LRIT1: variants seen among roughly 807,000 people sequenced by gnomAD.
LRIT1 encodes the protein leucine-rich repeat, immunoglobulin-like domain and transmembrane domain-containing protein 1.
A neutral mutation model predicts 24.0 loss-of-function variants in LRIT1; 23 were observed. The observed-to-expected ratio is 0.96, with a 90% CI of 0.69 to 1.36. The LOEUF is 1.36. Ranked by LOEUF, LRIT1 falls within the 40% of genes most tolerant of loss-of-function variation. The probability of loss-of-function intolerance (pLI) is 0.00; values close to 1 mark genes in which losing one functional copy is unlikely to be tolerated. For missense variants in LRIT1, 846 were observed against 806.3 expected (o/e 1.05, Z -0.60); for synonymous variants, 361 against 340.5 (o/e 1.06, Z -0.66).
At chr10:84,239,827 C>A (rs759121608) in intron 1 of LRIT1, among the ~76,000 whole-genome samples, 1 of 152,222 alleles carries the variant, frequency 6.6e-6, no homozygotes, top group Non-Finnish European at 1.5e-5. Context: ...GCAGAACGAG[C>A]TTTGGTCTAA....
At position 84,237,486 on chromosome 10, in the gene LRIT1, C is replaced by T; in HGVS notation, c.323G>A (p.Arg108His). Residue 108 changes from arginine to histidine, a missense_variant, in exon 2 of 4, where the codon CGC becomes CAC. Coordinates refer to ENST00000372105, the MANE Select transcript of LRIT1 (RefSeq NM_015613.3). The part of the protein sequence containing the change: ...LNALMLRGLR[R>H]LRELRLPGNR... ...CCCGGGCAGCCGCAGCTCCCGCAGG[C>T]GTCGCAGGCCCCGCAGCATGAGGGC... 1 of 1,590,370 alleles carries T rather than the reference C, an allele frequency of 6.3e-7. No individual in the cohort carries two copies.
rs150239517 is a variant in LRIT1, at chr10:84,234,102, C to T, written c.866G>A (p.Arg289Lys). 1.4e-5 allele frequency: 22 copies of T among 1,572,994 alleles called. No homozygotes were observed. In the African/African-American group the frequency reaches 2.8e-4, roughly 20 times the overall value. The stretch of plus-strand genomic sequence containing the variant: ...ACCATTAAGGGGCCTGCCATTGGCC[C>T]TCCTCCAGCTCATCTCGGGCCCAGG... The part of the protein sequence containing the change: ...GVPGPEMSWR[R>K]ANGRPLNGTV... Residue 289 changes from arginine to lysine, a missense_variant, in exon 3 of 4, where the codon AGG becomes AAG. By Grantham distance (26) the Arg-to-Lys change is conservative. Coordinates refer to ENST00000372105, the MANE Select transcript of LRIT1 (RefSeq NM_015613.3).
At chr10:84,237,107 C>T in intron 2 of LRIT1, 113 bp downstream of exon 2, 2 of 869,262 alleles carry the variant, frequency 2.3e-6, no homozygotes, top group Non-Finnish European at 3.6e-6. Flanking sequence ...GTGGATCTCA[C>T]TGTCTTTGCT....
chr10:84,241,475 G>A lies in LRIT1; in HGVS notation c.-36C>T. On this transcript the variant is annotated 5_prime_UTR_variant, in exon 1 of 4. Transcript: ENST00000372105. ...TCCTCTCTGGCCCAGGCAGGGGCCT[G>A]TCCCTGGACCGCTCCGTCCCACCGG... is the stretch of plus-strand genomic sequence containing the variant. 4 of 1,480,362 alleles carry A rather than the reference G, an allele frequency of 2.7e-6. No individual in the cohort carries two copies. Among genetic ancestry groups the A allele is most frequent in the Non-Finnish European group, 3.6e-6 (4 of 1,120,766 alleles). 91.7% of individuals were successfully genotyped at this position (1,480,362 alleles called of 1,614,324 possible).
In LRIT1 at chr10:84,233,945, A is replaced by G. The variant is rs947046051; in HGVS notation, c.895+128T>C. On this transcript the variant is annotated intron_variant, in intron 3 of 3. Coordinates refer to ENST00000372105, the MANE Select transcript of LRIT1 (RefSeq NM_015613.3). ...CTCTGGGAAGCCCCTGTCAAACTCA[A>G]CTCAGACAGGTGGAAGCCCAGCTTT... 5 of 809,202 alleles carry G rather than the reference A, an allele frequency of 6.2e-6. No individual in the cohort carries two copies. In the Admixed American group the frequency reaches 1.4e-4, roughly 23 times the overall value. The allele number at this position is 809,202 out of a possible 1,614,324, so 50.1% of individuals were successfully genotyped here.
intron 2 of LRIT1, among the ~76,000 whole-genome samples, chr10:84,236,789 G>A (rs1842650668): frequency 6.6e-6 from 1 of 152,208 alleles, no homozygotes; most frequent in Admixed American, 6.5e-5. Flanking sequence ...TCATGTATGA[G>A]TTGTATAATT....
At chr10:84,237,807 T>A in intron 1 of LRIT1, 121 bp from the exon 2 acceptor site, 1 of 745,112 alleles carries the variant, frequency 1.3e-6, no homozygotes, top group Non-Finnish European at 2.1e-6. Context: ...CACACCAGAG[T>A]CCAAGCCATG....
Position 84,232,906 on chromosome 10 carries a change from A to T in LRIT1, c.896-3T>A. ...GTCACTGGAGACTTCCTGGTGCACT[A>T]GGAGGAAAACAGGCATGTGTGGGAG... On this transcript the variant is annotated splice_region_variant and splice_polypyrimidine_tract_variant and intron_variant, in intron 3 of 3. Transcript: ENST00000372105. 1 of 1,608,148 alleles carries T rather than the reference A, an allele frequency of 6.2e-7. No homozygotes were observed. The highest frequency in any genetic ancestry group is 8.5e-7 in the Non-Finnish European group (1 of 1,179,138).
intron 1 of LRIT1, among the ~76,000 whole-genome samples, chr10:84,239,790 G>A (rs1202649742): frequency 6.6e-6 from 1 of 152,214 alleles, no homozygotes; most frequent in East Asian, 1.9e-4. Flanking sequence ...CCAGGTTAGA[G>A]AGGGATCTGA....
chr10:84,231,721 A>G lies in LRIT1; in HGVS notation c.*206T>C, dbSNP rs1438410695. On this transcript the variant is annotated 3_prime_UTR_variant, in exon 4 of 4. Coordinates refer to ENST00000372105, the MANE Select transcript of LRIT1 (RefSeq NM_015613.3). ...CTGCAAATGATTGTTACAAGAATTT[A>G]GCACTTAGAACACTTTCTAGTCTGT... 9.5e-5 allele frequency: 55 copies of G among 577,200 alleles called. No homozygotes were observed. The highest frequency in any genetic ancestry group is 2.6e-4 in the East Asian group (9 of 35,022). 35.8% of individuals were successfully genotyped at this position (577,200 alleles called of 1,614,324 possible).
chr10:84,239,417 C>G (rs11817806), intron 1 of LRIT1, among the ~76,000 whole-genome samples: 1,966 of 152,242 alleles, frequency 0.013, 50 homozygotes, highest in African/African-American at 0.046. Context: ...TGCACTCCAG[C>G]CTGGGTGACA....
At position 84,237,411 on chromosome 10, in the gene LRIT1, A is replaced by T; in HGVS notation, c.398T>A (p.Leu133Gln). 1.3e-6 allele frequency: 2 copies of T among 1,546,964 alleles called. No individual in the cohort carries two copies. Among genetic ancestry groups the T allele is most frequent in the Non-Finnish European group, 1.7e-6 (2 of 1,146,926 alleles). ...GTTGGCCTGCAGGTCCAGCAGCCGCAGCTTGGGGGCGTCCCTGAGCGCCGC... is the reference window on the plus strand; with the variant it reads ...GTTGGCCTGCAGGTCCAGCAGCCGCTGCTTGGGGGCGTCCCTGAGCGCCGC... ...PWAALRDAPK[L>Q]RLLDLQANRL... Residue 133 changes from leucine (L) to glutamine (Q), a missense_variant, in exon 2 of 4, where the codon CTG (leucine) becomes CAG (glutamine). Leu to Gln is a moderately radical substitution (Grantham distance 113). Coordinates refer to ENST00000372105, the MANE Select transcript of LRIT1 (RefSeq NM_015613.3).
At position 84,237,177 on chromosome 10, in the gene LRIT1, G is replaced by T. The variant is rs762120735; in HGVS notation, c.589+43C>A. ...AAATAATCGAAACTCAGGGAAGCGT[G>T]GTAACTTGCCTAAGACCCCAGGTGA... is the stretch of plus-strand genomic sequence containing the variant. On this transcript the variant is annotated intron_variant, in intron 2 of 3. Coordinates refer to ENST00000372105, the MANE Select transcript of LRIT1 (RefSeq NM_015613.3). 14 of 1,382,554 alleles carry T rather than the reference G, an allele frequency of 1.0e-5. No individual in the cohort carries two copies. The South Asian group carries it at 1.8e-4, about 18-fold the overall frequency. The allele number at this position is 1,382,554 out of a possible 1,614,324, so 85.6% of individuals were successfully genotyped here.
intron 2 of LRIT1, among the ~76,000 whole-genome samples, chr10:84,235,048 T>A (rs549304694): frequency 1.2e-3 from 189 of 152,360 alleles, no homozygotes; most frequent in Non-Finnish European, 1.9e-3. Context: ...GGGTACTATG[T>A]GTCCTCAATT....
In LRIT1 at chr10:84,231,872, A is replaced by T; in HGVS notation, c.*55T>A. The T allele has an allele frequency of 1.9e-6, 3 of 1,545,682 alleles. No homozygotes were observed. The highest frequency in any genetic ancestry group is 3.6e-5 in the Admixed American group (2 of 55,864). ...GTGGGTGATCGTGTACTCAGGTGTC[A>T]GAGCTAAAGAAGGAGCGTGGGCAGG... is the stretch of plus-strand genomic sequence containing the variant. On this transcript the variant is annotated 3_prime_UTR_variant, in exon 4 of 4. Coordinates refer to ENST00000372105, the MANE Select transcript of LRIT1 (RefSeq NM_015613.3).
intron 2 of LRIT1, 46 bp from the exon 3 acceptor site, chr10:84,234,424 C>T (rs372057776): frequency 1.0e-5 from 15 of 1,432,160 alleles, no homozygotes; most frequent in African/African-American, 8.6e-5. Flanking sequence ...AGATACTCAA[C>T]GTCCTCAGGC....
chr10:84,232,234 T>C lies in LRIT1; in HGVS notation c.1565A>G (p.Glu522Gly), dbSNP rs1338113545. 6.2e-7 allele frequency: 1 copy of C among 1,614,190 alleles called. No homozygotes were observed. The highest frequency in any genetic ancestry group is 8.5e-7 in the Non-Finnish European group (1 of 1,180,010). ...CACATTGATAAGCTGCTGAGTGTTC[T>C]CAGCATCCACCACTTCATTGGTGGA... ...IFSTNEVVDA[E>G]NTQQLINVVV... The change falls in exon 4 of 4, where the codon GAG (glutamate) becomes GGG (glycine). Residue 522 changes from glutamate to glycine, a missense_variant. Physicochemically the swap from Glu to Gly is moderately conservative, Grantham distance 98. Transcript: ENST00000372105.
intron 2 of LRIT1, among the ~76,000 whole-genome samples, chr10:84,236,619 G>A (rs543439988): frequency 2.0e-5 from 3 of 152,124 alleles, no homozygotes; most frequent in Admixed American, 1.3e-4. Flanking sequence ...ATGTATGTGT[G>A]TATATGTATA....
Position 84,241,388 on chromosome 10 carries a change from G to T in LRIT1, c.52C>A (p.Gln18Lys), listed in dbSNP as rs779621124. The change falls in exon 1 of 4, where the codon CAG becomes AAG. Residue 18 changes from glutamine to lysine, a missense_variant. Physicochemically the swap from Gln to Lys is moderately conservative, Grantham distance 53. Transcript: ENST00000372105. ...LWLLALAWPP[Q>K]ARGFCPSQCS... ...TGAGAGGGGCAGAAGCCCCGGGCCT[G>T]GGGGGGCCACGCAAGGGCCAAGAGC... 1.9e-6 allele frequency: 3 copies of T among 1,610,350 alleles called. No homozygotes were observed. Among genetic ancestry groups the T allele is most frequent in the Non-Finnish European group, 2.5e-6 (3 of 1,178,400 alleles).
Sources: gnomAD v4.1 joint callset for allele counts (sites outside exome capture counted in the v4.1 genomes callset) on GRCh38, gnomAD v4.1.1 for gene constraint, MANE v1.5 for transcripts, NCBI Gene and HGNC (gene_info 2026-07-23, HGNC 2026-07-21) for gene names.